The following ZFR2 variants were observed in gnomAD, a reference collection of about 807,000 sequenced individuals.
ZFR2 encodes the protein zinc finger RNA-binding protein 2.
A neutral mutation model predicts 105.7 loss-of-function variants in ZFR2; 104 were observed. That is an observed-to-expected ratio of 0.98 (90% CI 0.84 to 1.16). The LOEUF (loss-of-function observed/expected upper bound fraction) is 1.16. Among genes scored for constraint, ZFR2 ranks in the 50% most tolerant of loss-of-function variants. The pLI is 0.00. For synonymous variants in ZFR2, 634 were observed against 597.7 expected (o/e 1.06, Z -0.89); for missense variants, 1,425 against 1,355.5 (o/e 1.05, Z -0.80).
At chr19:3,861,189 T>C (rs2038369414) in intron 1 of ZFR2, among the ~76,000 whole-genome samples, 1 of 151,772 alleles carries the variant, frequency 6.6e-6, no homozygotes, top group African/African-American at 2.4e-5. Context: ...TCACAATAGG[T>C]CCATTTAAAA....
chr19:3,812,963 C>T (rs2037782799), intron 14 of ZFR2, among the ~76,000 whole-genome samples: 1 of 152,162 alleles, frequency 6.6e-6, no homozygotes, highest in Non-Finnish European at 1.5e-5. Flanking sequence ...CACCTGTAGT[C>T]CCAGCTACTC....
chr19:3,814,458 T>C (rs1345208403), intron 13 of ZFR2, among the ~76,000 whole-genome samples: 1 of 152,196 alleles, frequency 6.6e-6, no homozygotes, highest in Non-Finnish European at 1.5e-5. Context: ...TCACCCTCCA[T>C]GAGGCCTGTG....
chr19:3,822,773 C>G (rs978190647), intron 8 of ZFR2, among the ~76,000 whole-genome samples: 4 of 152,180 alleles, frequency 2.6e-5, no homozygotes, highest in Admixed American at 1.3e-4. Flanking sequence ...GCCTCTTTGG[C>G]ACGCACAAGG....
chr19:3,841,643 C>G (rs2038134263), intron 1 of ZFR2, among the ~76,000 whole-genome samples: 1 of 151,592 alleles, frequency 6.6e-6, no homozygotes, highest in Admixed American at 6.6e-5. Context: ...CCTGTCACCA[C>G]AAAAAATTAA....
At chr19:3,849,112 C>T (rs946315500) in intron 1 of ZFR2, among the ~76,000 whole-genome samples, 5 of 152,222 alleles carry the variant, frequency 3.3e-5, no homozygotes, top group Non-Finnish European at 7.3e-5. Context: ...TCTCTGGCTT[C>T]CCTGGGTCCT....
chr19:3,866,694 AAAG>A (rs1255685891), intron 1 of ZFR2, among the ~76,000 whole-genome samples: 1 of 152,228 alleles, frequency 6.6e-6, no homozygotes, highest in Non-Finnish European at 1.5e-5. Flanking sequence ...GAGAAAGAGA[AAAG>A]AAGGAAGAGC....
rs533528439 is a variant in ZFR2 at position 3,832,212 on chromosome 19, T to C, written c.380-334A>G. The stretch of plus-strand genomic sequence containing the variant: ...GAAAAAATGTTAGCTGCATTTTCAG[T>C]CCTCACTTTCCTTCATTCATAGGCC... On this transcript the variant is annotated intron_variant, in intron 3 of 18. Coordinates refer to ENST00000262961, the MANE Select transcript of ZFR2 (RefSeq NM_015174.2). Among the ~76,000 whole-genome samples, 23 of 152,080 alleles carry C rather than the reference T, an allele frequency of 1.5e-4. No homozygotes were observed. In the East Asian group the frequency reaches 4.4e-3, roughly 29 times the overall value.
Position 3,831,335 on chromosome 19 carries a change from C to T in ZFR2, c.820G>A (p.Asp274Asn), listed in dbSNP as rs762161311. 28 of 1,556,716 alleles carry T rather than the reference C, an allele frequency of 1.8e-5. No individual in the cohort carries two copies. The highest frequency in any genetic ancestry group is 2.3e-5 in the Non-Finnish European group (26 of 1,152,686). ...CCAGCGCAGCTGATCTTGCAGATGT[C>T]GCAGTAGTGAAGCTGGAGCTGCCTG... ...GPRQLQLHYC[D>N]ICKISCAGPQ... is the part of the protein sequence containing the mutation. Residue 274 changes from aspartate (D) to asparagine (N), a missense_variant, in exon 5 of 19, where the codon GAC (aspartate) becomes AAC (asparagine). Coordinates refer to ENST00000262961, the MANE Select transcript of ZFR2 (RefSeq NM_015174.2).
At chr19:3,822,348 C>G in intron 8 of ZFR2, 148 bp from the exon 9 acceptor site, 2 of 1,349,054 alleles carry the variant, frequency 1.5e-6, no homozygotes, top group South Asian at 1.4e-5. Context: ...TGCTGTGTCA[C>G]CCAAGCTGGA....
At chr19:3,856,009 G>A (rs1243271403) in intron 1 of ZFR2, among the ~76,000 whole-genome samples, 3 of 152,200 alleles carry the variant, frequency 2.0e-5, no homozygotes, top group African/African-American at 7.2e-5. Context: ...CCTCTTTGGC[G>A]CTGTGCGCGG....
chr19:3,863,717 A>G (rs76765241), intron 1 of ZFR2, among the ~76,000 whole-genome samples: 71 of 152,138 alleles, frequency 4.7e-4, no homozygotes, highest in African/African-American at 1.1e-3. Context: ...CACAGGCGCA[A>G]CCTCTAAGCT....
chr19:3,823,486 A>G lies in ZFR2; in HGVS notation c.1214-83T>C. The G allele has an allele frequency of 7.2e-7, 1 of 1,388,576 alleles. No homozygotes were observed. Among genetic ancestry groups the G allele is most frequent in the South Asian group, 1.4e-5 (1 of 71,478 alleles). The allele number at this position is 1,388,576 out of a possible 1,614,324, so 86.0% of individuals were successfully genotyped here. A position where few individuals can be genotyped will look rare whatever the true frequency, so the allele number is the denominator to read the frequency against. ...AGACCCGCCAGGCGGCATGGGGTGG[A>G]GAGCCACCCAGACTGCAGGCTGTGC... is the stretch of plus-strand genomic sequence containing the variant. On this transcript the variant is annotated intron_variant, in intron 7 of 18. Coordinates refer to ENST00000262961, the MANE Select transcript of ZFR2 (RefSeq NM_015174.2). The surrounding 1 kb of genome is among the most constrained non-coding windows in gnomAD (Gnocchi z 5.4).
intron 15 of ZFR2, 101 bp from the exon 16 acceptor site, chr19:3,810,946 G>A: frequency 7.7e-7 from 1 of 1,293,378 alleles, no homozygotes; most frequent in Non-Finnish European, 1.1e-6. Context: ...AGGATAATAG[G>A]GAGCCTGGCG....
chr19:3,807,887 G>T (rs1284354856), intron 17 of ZFR2, among the ~76,000 whole-genome samples: 3 of 149,722 alleles, frequency 2.0e-5, no homozygotes, highest in Admixed American at 2.0e-4. Context: ...GTGTGCATGT[G>T]TGCCCGTGTG....
intron 3 of ZFR2, 98 bp from the exon 4 acceptor site, chr19:3,831,976 A>T (rs181952055): frequency 9.3e-7 from 1 of 1,079,272 alleles, no homozygotes. Flanking sequence ...AACACGCTAG[A>T]TGCTTAAGCC....
At position 3,805,674 on chromosome 19, in the gene ZFR2, TA is replaced by T. The variant is rs1208954996; in HGVS notation, c.*274del. 2 of 374,154 alleles carry T rather than the reference TA, an allele frequency of 5.3e-6. No individual in the cohort carries two copies. Among genetic ancestry groups the T allele is most frequent in the Non-Finnish European group, 9.5e-6 (2 of 210,196 alleles). The allele number at this position is 374,154 out of a possible 1,614,324, so 23.2% of individuals were successfully genotyped here. On this transcript the variant is annotated 3_prime_UTR_variant, in exon 19 of 19. Transcript: ENST00000262961. ...CCACCAACCATGCCAAGCTGATTTT[TA>T]AAAATATTTTGGAGAGATGGGGGTC... is the stretch of plus-strand genomic sequence containing the variant.
intron 16 of ZFR2, 90 bp from the exon 17 acceptor site, chr19:3,809,073 C>A: frequency 2.1e-6 from 2 of 957,770 alleles, no homozygotes; most frequent in East Asian, 3.1e-5. Flanking sequence ...GGACAGGAGG[C>A]CCCCCTCAGC....
At chr19:3,816,583 G>A (rs917955194) in intron 13 of ZFR2, 91 bp downstream of exon 13, 63 of 1,474,046 alleles carry the variant, frequency 4.3e-5, no homozygotes, top group Non-Finnish European at 5.7e-5. Flanking sequence ...TAGTAACAAA[G>A]GTCCCCTGCC....
intron 13 of ZFR2, among the ~76,000 whole-genome samples, chr19:3,814,827 G>A (rs1364325625): frequency 6.6e-6 from 1 of 152,064 alleles, no homozygotes; most frequent in African/African-American, 2.4e-5. Flanking sequence ...CCTACCTCCT[G>A]GTACGGCCTT....
Sources: allele counts gnomAD v4.1 joint callset (sites outside exome capture counted in the v4.1 genomes callset), GRCh38; gene constraint gnomAD v4.1.1; non-coding constraint Gnocchi (gnomAD v3.1); transcripts MANE v1.5; gene names NCBI Gene and HGNC (gene_info 2026-07-23, HGNC 2026-07-21).